Variants in TPR observed in about 807,000 individuals in gnomAD.
TPR encodes the protein nucleoprotein TPR.
A neutral mutation model predicts 316.1 loss-of-function variants in TPR; 51 were observed. The ratio of observed to expected loss-of-function variants is 0.16; its 90% CI spans 0.13 to 0.20. TPR has a LOEUF of 0.20. Ranked by LOEUF, TPR falls within the 10% of genes least tolerant of loss-of-function variation. TPR has a pLI of 1.00. For missense variants in TPR, 2,272 were observed against 2,754.8 expected (o/e 0.82, Z 3.92); for synonymous variants, 981 against 914.7 (o/e 1.07, Z -1.31).
intron 40 of TPR, among the ~76,000 whole-genome samples, chr1:186,326,975 A>C (rs1181934645): frequency 8.6e-6 from 1 of 116,570 alleles, no homozygotes; most frequent in African/African-American, 3.3e-5. Context: ...GAAAAACAAT[A>C]TATATAATCT....
rs375412833 is a variant in TPR at position 186,333,196 on chromosome 1, G to C, written c.5381C>G (p.Ser1794Cys). Residue 1794 changes from serine (S) to cysteine (C), a missense_variant, in exon 37 of 51, where the codon TCT becomes TGT. By Grantham distance (112) the Ser-to-Cys change is moderately radical (BLOSUM62 -1). Coordinates refer to ENST00000367478, the MANE Select transcript of TPR (RefSeq NM_003292.3). ...CTGAACAACCTCTACTATGTTTGAA[G>C]ATAACTCTTGATTGGCAGGCTCAAT... ...PQIEPANQELSSNIVEVVQSS... is the reference protein window; with the variant it reads ...PQIEPANQELCSNIVEVVQSS... The C allele has an allele frequency of 1.9e-6, 3 of 1,613,628 alleles. No individual in the cohort carries two copies. The South Asian group carries it at 3.3e-5, about 18-fold the overall frequency.
At chr1:186,355,270 T>G in intron 17 of TPR, 140 bp downstream of exon 17, 1 of 880,704 alleles carries the variant, frequency 1.1e-6, no homozygotes, top group South Asian at 1.6e-5. Context: ...ATGAAAAAAA[T>G]GAACTACCAG....
intron 24 of TPR, among the ~76,000 whole-genome samples, chr1:186,345,063 T>C (rs537455190): frequency 1.3e-5 from 2 of 152,164 alleles, no homozygotes; most frequent in Non-Finnish European, 2.9e-5. Flanking sequence ...GAATCCTGAA[T>C]TGTTTTATCA....
chr1:186,327,022 AT>A (rs773150834), intron 40 of TPR, among the ~76,000 whole-genome samples: 1 of 68,164 alleles, frequency 1.5e-5, no homozygotes, highest in Non-Finnish European at 2.7e-5. Context: ...TAATATATAT[AT>A]TATATATATA....
chr1:186,331,908 AT>A (rs1167941054), intron 38 of TPR, among the ~76,000 whole-genome samples: 1 of 152,094 alleles, frequency 6.6e-6, no homozygotes, highest in Non-Finnish European at 1.5e-5. Flanking sequence ...GTAACAGTTT[AT>A]GTCCATGAGA....
rs1164482429 is a variant in TPR, at chr1:186,352,024, A to G, written c.2421T>C (p.Ala807=). 2 of 1,609,394 alleles carry G rather than the reference A, an allele frequency of 1.2e-6. No individual in the cohort carries two copies. Among genetic ancestry groups the G allele is most frequent in the African/African-American group, 1.3e-5 (1 of 74,736 alleles). The change falls in exon 19 of 51, where the codon GCT becomes GCC. Residue 807 remains alanine (A), a synonymous_variant. Coordinates refer to ENST00000367478, the MANE Select transcript of TPR (RefSeq NM_003292.3). ...RLSQQRESLL[A]EQRGQNLLLT... is the part of the protein sequence containing the mutation. ...GCAGTAAGTTTTGCCCCCTTTGTTC[A>G]GCTAACAAAGACTCTCTTTGCTGAG...
chr1:186,331,633 GT>G, intron 38 of TPR, 52 bp from the exon 39 acceptor site: 1 of 1,229,628 alleles, frequency 8.1e-7, no homozygotes, highest in Non-Finnish European at 1.1e-6. Context: ...TAGATGAAGG[GT>G]TACCTGTTTT....
At chr1:186,358,401 G>C (rs1295019646) in intron 13 of TPR, 142 bp downstream of exon 13, 1 of 546,764 alleles carries the variant, frequency 1.8e-6, no homozygotes, top group Non-Finnish European at 3.1e-6. Context: ...AAACAATGGG[G>C]GTGCAACTCT....
rs975188381 is a variant in TPR at position 186,334,540 on chromosome 1, G to C, written c.4974-7C>G. 6.2e-7 allele frequency: 1 copy of C among 1,608,368 alleles called. No individual in the cohort carries two copies. The highest frequency in any genetic ancestry group is 8.5e-7 in the Non-Finnish European group (1 of 1,175,942). On this transcript the variant is annotated splice_polypyrimidine_tract_variant and splice_region_variant and intron_variant, in intron 35 of 50. Coordinates refer to ENST00000367478, the MANE Select transcript of TPR (RefSeq NM_003292.3). ...TGGGTCTGATGTGCTGGCACTTATA[G>C]AGGAGAAAATGGAAGAATAATTAAT...
intron 43 of TPR, 59 bp from the exon 44 acceptor site, chr1:186,322,645 A>G: frequency 1.3e-6 from 2 of 1,528,992 alleles, no homozygotes; most frequent in South Asian, 2.3e-5. Flanking sequence ...TGAAACAAAC[A>G]CCAAATATCA....
At chr1:186,353,069 AGAAT>A (rs1244091511) in intron 18 of TPR, among the ~76,000 whole-genome samples, 1 of 152,194 alleles carries the variant, frequency 6.6e-6, no homozygotes, top group Non-Finnish European at 1.5e-5. Context: ...CAGATGAGCA[AGAAT>A]GAATAACATA....
At chr1:186,351,274 A>G in intron 20 of TPR, 56 bp downstream of exon 20, 1 of 1,507,004 alleles carries the variant, frequency 6.6e-7, no homozygotes. Context: ...TCCACACACC[A>G]GATTAATTAC....
Position 186,336,670 on chromosome 1 carries a change from C to A in TPR, c.4531G>T (p.Ala1511Ser). The A allele has an allele frequency of 1.2e-6, 2 of 1,613,448 alleles. No individual in the cohort carries two copies. Among genetic ancestry groups the A allele is most frequent in the Admixed American group, 1.7e-5 (1 of 59,878 alleles). The change falls in exon 33 of 51, where the codon GCA (alanine) becomes TCA (serine). Residue 1511 changes from alanine to serine, a missense_variant. This residue lies in a region of TPR where 101 missense variants were observed against 113.0 expected (regional missense o/e 0.89). Coordinates refer to ENST00000367478, the MANE Select transcript of TPR (RefSeq NM_003292.3). ...ACAGTCTGTTCCTGGAGATTTCTTGCTTCTGTCTCTTTTTCAGATAATGTC... is the reference window on the plus strand; with the variant it reads ...ACAGTCTGTTCCTGGAGATTTCTTGATTCTGTCTCTTTTTCAGATAATGTC... ...QKTLSEKETEARNLQEQTVQL... is the reference protein window; with the variant it reads ...QKTLSEKETESRNLQEQTVQL...
intron 26 of TPR, 29 bp from the exon 27 acceptor site, chr1:186,343,502 T>G (rs780520479): frequency 1.3e-6 from 2 of 1,586,476 alleles, no homozygotes; most frequent in East Asian, 4.5e-5. Flanking sequence ...TAAAATTTTA[T>G]GTGAATTTTA....
intron 21 of TPR, among the ~76,000 whole-genome samples, chr1:186,348,131 TA>T (rs1658736625): frequency 6.6e-6 from 1 of 152,138 alleles, no homozygotes; most frequent in African/African-American, 2.4e-5. Context: ...AAAACAGCCA[TA>T]TTTTTCTTGT....
In TPR at chr1:186,375,099, C is replaced by T. The variant is rs1263736320; in HGVS notation, c.-71G>A. On this transcript the variant is annotated 5_prime_UTR_variant, in exon 1 of 51. Transcript: ENST00000367478. Reference sequence around the variant, plus strand: ...AGCGGAGAAGAAAGGCGAAGACCAGCAGGACCCAGACGCCTGGGCCGCCGC... The same window carrying T: ...AGCGGAGAAGAAAGGCGAAGACCAGTAGGACCCAGACGCCTGGGCCGCCGC... The T allele has an allele frequency of 8.8e-6, 14 of 1,596,060 alleles. No homozygotes were observed. The highest frequency in any genetic ancestry group is 2.3e-5 in the East Asian group (1 of 43,920).
Position 186,312,867 on chromosome 1 carries a change from G to T in TPR, c.*1104C>A. 6.2e-7 allele frequency: 1 copy of T among 1,612,630 alleles called. No homozygotes were observed. Among genetic ancestry groups the T allele is most frequent in the Non-Finnish European group, 8.5e-7 (1 of 1,178,686 alleles). Reference sequence around the variant, plus strand: ...ACTGCCCAACATCAGAAAACCTGACGGCTATGATTACTATGCCTTTTCTAA... The same window carrying T: ...ACTGCCCAACATCAGAAAACCTGACTGCTATGATTACTATGCCTTTTCTAA... On this transcript the variant is annotated 3_prime_UTR_variant, in exon 51 of 51. Coordinates refer to ENST00000367478, the MANE Select transcript of TPR (RefSeq NM_003292.3).
chr1:186,370,318 T>C (rs755244969), intron 3 of TPR, among the ~76,000 whole-genome samples: 2 of 152,088 alleles, frequency 1.3e-5, no homozygotes, highest in Non-Finnish European at 2.9e-5. Context: ...ATCCAGAAAT[T>C]TGCAATATCT....
At position 186,338,174 on chromosome 1, in the gene TPR, T is replaced by C. The variant is rs765022591; in HGVS notation, c.4221A>G (p.Arg1407=). The C allele has an allele frequency of 3.1e-6, 5 of 1,613,134 alleles. No individual in the cohort carries two copies. The highest frequency in any genetic ancestry group is 1.3e-5 in the African/African-American group (1 of 75,020). Residue 1407 remains arginine (R), a synonymous_variant, in exon 31 of 51, where the codon AGA becomes AGG. Transcript: ENST00000367478. ...QSLKEDLNKV[R]TEKETIQKDL... ...CCTTCTGGATGGTTTCCTTTTCAGT[T>C]CTTACTTTATTTAGATCTTCCTTCA...
Sources: gnomAD v4.1 joint callset for allele counts (sites outside exome capture counted in the v4.1 genomes callset) on GRCh38, gnomAD v4.1.1 for gene constraint, gnomAD v4.1.1 regional missense constraint, MANE v1.5 for transcripts, NCBI Gene and HGNC (gene_info 2026-07-23, HGNC 2026-07-21) for gene names.